Variants in C10orf120 observed in about 807,000 individuals in gnomAD.
C10orf120 encodes the protein uncharacterized protein C10orf120.
C10orf120 carries 15 observed loss-of-function variants against 10.8 expected under a neutral mutation model. That is an observed-to-expected ratio of 1.39 (90% CI 0.93 to 2.14). The LOEUF (loss-of-function observed/expected upper bound fraction) is 2.14, where lower values mean the gene tolerates loss of function less well. Among genes scored for constraint, C10orf120 ranks in the 30% most tolerant of loss-of-function variants. C10orf120 has a pLI of 0.00. For synonymous variants in C10orf120, 141 were observed against 138.9 expected, an observed-to-expected ratio of 1.02 and a Z score of -0.11; for missense variants, 447 against 411.3, an observed-to-expected ratio of 1.09 and a Z score of -0.75.
rs567474309 is a variant in C10orf120 at position 122,699,810 on chromosome 10, A to T, written c.-20T>A. On this transcript the variant is annotated 5_prime_UTR_variant, in exon 1 of 3. Coordinates refer to ENST00000329446, the MANE Select transcript of C10orf120 (RefSeq NM_001010912.4). ...GATCATACTCCGGCAATAAGCTAGG[A>T]CGGGAGGTGTTCACACCTGGAGTTT... is the stretch of plus-strand genomic sequence containing the variant. The T allele has an allele frequency of 6.3e-7, 1 of 1,599,816 alleles. No homozygotes were observed. Among genetic ancestry groups the T allele is most frequent in the Admixed American group, 1.7e-5 (1 of 58,838 alleles).
chr10:122,699,529 G>A, intron 1 of C10orf120, 86 bp downstream of exon 1: 2 of 1,453,040 alleles, frequency 1.4e-6, no homozygotes, highest in Non-Finnish European at 1.9e-6. Flanking sequence ...AGGCCGCCAT[G>A]AGCAGGGGTT....
chr10:122,699,027 G>T (rs527725839), intron 2 of C10orf120, among the ~76,000 whole-genome samples: 1 of 150,150 alleles, frequency 6.7e-6, no homozygotes, highest in Admixed American at 6.6e-5. Context: ...CCAGCTACTC[G>T]GGAGGCTGAG....
Position 122,699,842 on chromosome 10 carries a change from A to C in C10orf120, c.-52T>G. Reference sequence around the variant, plus strand: ...GTGTTCACACCTGGAGTTTGTTTCTAAGACAATGTGATGAGGGCCCGAGGG... The same window carrying C: ...GTGTTCACACCTGGAGTTTGTTTCTCAGACAATGTGATGAGGGCCCGAGGG... On this transcript the variant is annotated 5_prime_UTR_variant, in exon 1 of 3. Coordinates refer to ENST00000329446, the MANE Select transcript of C10orf120 (RefSeq NM_001010912.4). The C allele has an allele frequency of 6.6e-7, 1 of 1,516,718 alleles. No individual in the cohort carries two copies. Among genetic ancestry groups the C allele is most frequent in the African/African-American group, 1.4e-5 (1 of 72,362 alleles). The allele number at this position is 1,516,718 out of a possible 1,614,324, so 94.0% of individuals were successfully genotyped here. A position where few individuals can be genotyped will look rare whatever the true frequency, so the allele number is the denominator to read the frequency against.
At chr10:122,698,582 G>T in intron 2 of C10orf120, 94 bp from the exon 3 acceptor site, 1 of 1,210,712 alleles carries the variant, frequency 8.3e-7, no homozygotes, top group Non-Finnish European at 1.2e-6. Context: ...CCTCCATTGT[G>T]GAAAGTGTTT....
At position 122,698,104 on chromosome 10, in the gene C10orf120, C is replaced by T. The variant is rs370785372; in HGVS notation, c.637G>A (p.Asp213Asn). ...MAKNKARRKE[D>N]NYDTHNCDDA... ...TCACAATTATGGGTGTCATAGTTGTCTTCCTTTCGTCTGGCCTTATTTTTT... is the reference window on the plus strand; with the variant it reads ...TCACAATTATGGGTGTCATAGTTGTTTTCCTTTCGTCTGGCCTTATTTTTT... The change falls in exon 3 of 3, where the codon GAC (aspartate) becomes AAC (asparagine). Residue 213 changes from aspartate (D) to asparagine (N), a missense_variant. By Grantham distance (23) the Asp-to-Asn change is conservative. Transcript: ENST00000329446. 6.2e-7 allele frequency: 1 copy of T among 1,613,796 alleles called. No individual in the cohort carries two copies. The highest frequency in any genetic ancestry group is 8.5e-7 in the Non-Finnish European group (1 of 1,179,982).
Position 122,698,017 on chromosome 10 carries a change from T to G in C10orf120, c.724A>C (p.Lys242Gln). Residue 242 changes from lysine to glutamine, a missense_variant, in exon 3 of 3, where the codon AAA (lysine) becomes CAA (glutamine). Coordinates refer to ENST00000329446, the MANE Select transcript of C10orf120 (RefSeq NM_001010912.4). Reference protein sequence around the residue: ...EGKNTKRREIKMNVVFKSKEP... With the variant: ...EGKNTKRREIQMNVVFKSKEP... Reference sequence around the variant, plus strand: ...TTTGACTTGAAAACTACATTCATTTTTATTTCTCGTCTTTTTGTGTTTTTT... The same window carrying G: ...TTTGACTTGAAAACTACATTCATTTGTATTTCTCGTCTTTTTGTGTTTTTT... 6.2e-7 allele frequency: 1 copy of G among 1,608,588 alleles called. No homozygotes were observed. Among genetic ancestry groups the G allele is most frequent in the Admixed American group, 1.7e-5 (1 of 58,848 alleles).
Position 122,699,822 on chromosome 10 carries a change from C to T in C10orf120, c.-32G>A, listed in dbSNP as rs1845835432. 1.9e-6 allele frequency: 3 copies of T among 1,578,046 alleles called. No homozygotes were observed. In the African/African-American group the frequency reaches 4.1e-5, roughly 21 times the overall value. ...GCAATAAGCTAGGACGGGAGGTGTTCACACCTGGAGTTTGTTTCTAAGACA... is the reference window on the plus strand; with the variant it reads ...GCAATAAGCTAGGACGGGAGGTGTTTACACCTGGAGTTTGTTTCTAAGACA... On this transcript the variant is annotated 5_prime_UTR_variant, in exon 1 of 3. Transcript: ENST00000329446.
rs1566146124 is a variant in C10orf120, at chr10:122,699,777, C to T, written c.14G>A (p.Trp5Ter). Residue 5 changes from tryptophan to a stop codon, truncating the protein, a stop_gained, in exon 1 of 3, where the codon TGG becomes TAG. Transcript: ENST00000329446. LOFTEE classifies it high-confidence loss of function. MIRE[W>*]KNDCQRIEKQ... ...TTCAATCCTCTGACAGTCATTCTTC[C>T]ATTCTCTGATCATACTCCGGCAATA... 2 of 1,612,524 alleles carry T rather than the reference C, an allele frequency of 1.2e-6. No individual in the cohort carries two copies. The highest frequency in any genetic ancestry group is 1.7e-5 in the Admixed American group (1 of 59,904).
In C10orf120 at chr10:122,699,795, C is replaced by G; in HGVS notation, c.-5G>C. ...ATTCTTCCATTCTCTGATCATACTC[C>G]GGCAATAAGCTAGGACGGGAGGTGT... is the stretch of plus-strand genomic sequence containing the variant. On this transcript the variant is annotated 5_prime_UTR_variant, in exon 1 of 3. Transcript: ENST00000329446. 6.2e-7 allele frequency: 1 copy of G among 1,609,036 alleles called. No homozygotes were observed. Among genetic ancestry groups the G allele is most frequent in the Non-Finnish European group, 8.5e-7 (1 of 1,177,462 alleles).
At chr10:122,699,065 C>T (rs146834517) in intron 2 of C10orf120, among the ~76,000 whole-genome samples, 3 of 128,190 alleles carry the variant, frequency 2.3e-5, no homozygotes, top group Non-Finnish European at 3.1e-5. Context: ...ACCCGGGAAG[C>T]GGAGCTTGCA....
At position 122,699,760 on chromosome 10, in the gene C10orf120, T is replaced by G; in HGVS notation, c.31A>C (p.Arg11=). Residue 11 remains arginine, a synonymous_variant, in exon 1 of 3, where the codon AGG becomes CGG. Transcript: ENST00000329446. The part of the protein sequence containing the change: MIREWKNDCQ[R]IEKQRASDTM... The stretch of plus-strand genomic sequence containing the variant: ...TCACTAGCCCTCTGTTTTTCAATCC[T>G]CTGACAGTCATTCTTCCATTCTCTG... 6.2e-7 allele frequency: 1 copy of G among 1,613,798 alleles called. No individual in the cohort carries two copies. Among genetic ancestry groups the G allele is most frequent in the East Asian group, 2.2e-5 (1 of 44,882 alleles).
At chr10:122,698,604 T>C in intron 2 of C10orf120, 116 bp from the exon 3 acceptor site, 1 of 939,456 alleles carries the variant, frequency 1.1e-6, no homozygotes, top group South Asian at 1.5e-5. Context: ...AGCCTCTCTG[T>C]AGTGGAAAAC....
At chr10:122,699,039 CAGG>C (rs1481716051) in intron 2 of C10orf120, among the ~76,000 whole-genome samples, 1 of 139,448 alleles carries the variant, frequency 7.2e-6, no homozygotes, top group Non-Finnish European at 1.5e-5. Context: ...GAGGCTGAGG[CAGG>C]AGAATGGCGT....
intron 2 of C10orf120, among the ~76,000 whole-genome samples, chr10:122,699,006 C>T (rs7922936): frequency 0.25 from 37,102 of 149,056 alleles, 4,768 homozygotes; most frequent in African/African-American, 0.3. Context: ...CGGTGGCGGG[C>T]GCCTGTAGTC....
chr10:122,699,829 G>A lies in C10orf120; in HGVS notation c.-39C>T. On this transcript the variant is annotated 5_prime_UTR_variant, in exon 1 of 3. Coordinates refer to ENST00000329446, the MANE Select transcript of C10orf120 (RefSeq NM_001010912.4). ...GCTAGGACGGGAGGTGTTCACACCT[G>A]GAGTTTGTTTCTAAGACAATGTGAT... 6.4e-7 allele frequency: 1 copy of A among 1,551,636 alleles called. No individual in the cohort carries two copies. The highest frequency in any genetic ancestry group is 8.8e-7 in the Non-Finnish European group (1 of 1,140,734).
Position 122,698,265 on chromosome 10 carries a change from C to A in C10orf120, c.476G>T (p.Arg159Leu). The A allele has an allele frequency of 6.2e-7, 1 of 1,614,200 alleles. No homozygotes were observed. Residue 159 changes from arginine (R) to leucine (L), a missense_variant, in exon 3 of 3, where the codon CGA (arginine) becomes CTA (leucine). Coordinates refer to ENST00000329446, the MANE Select transcript of C10orf120 (RefSeq NM_001010912.4). ...APLEAFKMPQREQVNVSKHIE... is the reference protein window; with the variant it reads ...APLEAFKMPQLEQVNVSKHIE... ...GTGCTTACTGACGTTCACCTGCTCT[C>A]GTTGTGGCATTTTAAATGCCTCCAG...
rs1329627532 is a variant in C10orf120 at position 122,698,408 on chromosome 10, T to G, written c.333A>C (p.Glu111Asp). Reference sequence around the variant, plus strand: ...TGTAGTCCGGAGACAGCAACTGTAGTTCCTTGAGCATTCTGCATTCTTCCT... The same window carrying G: ...TGTAGTCCGGAGACAGCAACTGTAGGTCCTTGAGCATTCTGCATTCTTCCT... ...KQEEECRMLK[E>D]LQLLSPDYKQ... Residue 111 changes from glutamate (E) to aspartate (D), a missense_variant, in exon 3 of 3, where the codon GAA becomes GAC. Coordinates refer to ENST00000329446, the MANE Select transcript of C10orf120 (RefSeq NM_001010912.4). The G allele has an allele frequency of 6.2e-7, 1 of 1,614,164 alleles. No homozygotes were observed. The highest frequency in any genetic ancestry group is 8.5e-7 in the Non-Finnish European group (1 of 1,179,990).
Position 122,697,859 on chromosome 10 carries a change from T to G in C10orf120, c.882A>C (p.Leu294Phe), listed in dbSNP as rs763667982. Residue 294 changes from leucine to phenylalanine, a missense_variant, in exon 3 of 3, where the codon TTA becomes TTC. Transcript: ENST00000329446. ...ATATAAAATCCTGATTCATTAGCATTAAGTCACCAGGGAATTCTGATATGC... is the reference window on the plus strand; with the variant it reads ...ATATAAAATCCTGATTCATTAGCATGAAGTCACCAGGGAATTCTGATATGC... The part of the protein sequence containing the change: ...LFCISEFPGD[L>F]MLMNQDFISR... The G allele has an allele frequency of 6.2e-7, 1 of 1,614,236 alleles. No individual in the cohort carries two copies. The highest frequency in any genetic ancestry group is 8.5e-7 in the Non-Finnish European group (1 of 1,180,044).
intron 2 of C10orf120, 42 bp from the exon 3 acceptor site, chr10:122,698,530 G>A: frequency 6.3e-7 from 1 of 1,596,824 alleles, no homozygotes. Context: ...AAGAGCACAG[G>A]GGCAGGCGGC....
Sources: gnomAD v4.1 joint callset for allele counts (sites outside exome capture counted in the v4.1 genomes callset) on GRCh38, gnomAD v4.1.1 for gene constraint, MANE v1.5 for transcripts, NCBI Gene and HGNC (gene_info 2026-07-23, HGNC 2026-07-21) for gene names.